ANKRD28: variants seen among roughly 807,000 people sequenced by gnomAD.
ANKRD28 encodes the protein serine/threonine-protein phosphatase 6 regulatory ankyrin repeat subunit A.
A neutral mutation model predicts 126.5 loss-of-function variants in ANKRD28; 44 were observed. The observed-to-expected ratio is 0.35, with a 90% CI of 0.27 to 0.45. The LOEUF is 0.45. Among genes scored for constraint, ANKRD28 ranks in the 20% least tolerant of loss-of-function variants. The pLI is 1.00. For synonymous variants in ANKRD28, 442 were observed against 468.5 expected (o/e 0.94, Z 0.73); for missense variants, 1,110 against 1,316.6 (o/e 0.84, Z 2.43).
Position 15,797,658 on chromosome 3 carries a change from A to G in ANKRD28, c.-1137T>C. ...CTTCCATTAAACAGTCTTCATTCAG[A>G]GAAAAAAATAGCAGACTGTGCATCT... On this transcript the variant is annotated 5_prime_UTR_variant, in exon 1 of 28. Coordinates refer to ENST00000683139, the MANE Select transcript of ANKRD28 (RefSeq NM_001349278.2). 1 of 985,310 alleles carries G rather than the reference A, an allele frequency of 1.0e-6. No homozygotes were observed. The highest frequency in any genetic ancestry group is 4.7e-5 in the South Asian group (1 of 21,280). The allele number at this position is 985,310 out of a possible 1,614,324, so 61.0% of individuals were successfully genotyped here.
At position 15,796,404 on chromosome 3, in the gene ANKRD28, C is replaced by T; in HGVS notation, c.117+1G>A. 7.8e-7 allele frequency: 1 copy of T among 1,285,234 alleles called. No homozygotes were observed. Among genetic ancestry groups the T allele is most frequent in the Non-Finnish European group, 1.0e-6 (1 of 985,588 alleles). 79.6% of individuals were successfully genotyped at this position (1,285,234 alleles called of 1,614,324 possible). A position where few individuals can be genotyped will look rare whatever the true frequency, so the allele number is the denominator to read the frequency against. On this transcript the variant is annotated splice_donor_variant, in intron 1 of 27. Coordinates refer to ENST00000683139, the MANE Select transcript of ANKRD28 (RefSeq NM_001349278.2). LOFTEE classifies it high-confidence loss of function. ...TAAACATATAAACTTACATATCTTA[C>T]CAATACATTTCCAGAAGGTGGAGAA... is the stretch of plus-strand genomic sequence containing the variant.
chr3:15,689,132 A>C (rs1167073937), intron 18 of ANKRD28, among the ~76,000 whole-genome samples: 2 of 152,340 alleles, frequency 1.3e-5, no homozygotes, highest in African/African-American at 4.8e-5. Flanking sequence ...AAATTTCCCC[A>C]GACAGTTGTA....
intron 14 of ANKRD28, among the ~76,000 whole-genome samples, chr3:15,705,090 G>A (rs1225000726): frequency 6.6e-6 from 1 of 152,062 alleles, no homozygotes; most frequent in African/African-American, 2.4e-5. Flanking sequence ...TGGGTCTTTC[G>A]GATCCCAAGT....
At chr3:15,695,594 G>A (rs1037565081) in intron 15 of ANKRD28, among the ~76,000 whole-genome samples, 1 of 152,066 alleles carries the variant, frequency 6.6e-6, no homozygotes, top group Non-Finnish European at 1.5e-5. Context: ...TTAACCTAAA[G>A]TATCTGTTAC....
chr3:15,702,818 C>G (rs1323839857), intron 14 of ANKRD28, among the ~76,000 whole-genome samples: 1 of 151,984 alleles, frequency 6.6e-6, no homozygotes, highest in African/African-American at 2.4e-5. Flanking sequence ...TTCTTACCAC[C>G]CCCCACCACC....
Position 15,694,789 on chromosome 3 carries a change from T to A in ANKRD28, c.1711A>T (p.Met571Leu). 1.2e-6 allele frequency: 2 copies of A among 1,613,610 alleles called. No individual in the cohort carries two copies. Among genetic ancestry groups the A allele is most frequent in the East Asian group, 4.5e-5 (2 of 44,868 alleles). ...DVLMETSGTD[M>L]LSDSDNRATI... ...GCTCTATTATCTGAATCACTCAGCA[T>A]GTCTGTTCCTGAGGTTTCCATTAAC... Residue 571 changes from methionine to leucine, a missense_variant, in exon 17 of 28, where the codon ATG becomes TTG. Coordinates refer to ENST00000683139, the MANE Select transcript of ANKRD28 (RefSeq NM_001349278.2).
chr3:15,841,616 G>A lies in ANKRD28; in HGVS notation c.27+17761C>T, dbSNP rs143824868. Among the ~76,000 whole-genome samples the A allele has an allele frequency of 4.9e-3, 750 of 152,102 alleles. 5 individuals carry two copies. The highest frequency in any genetic ancestry group is 0.017 in the Middle Eastern group (5 of 294). On this transcript the variant is annotated intron_variant, in intron 1 of 27. Coordinates refer to the ANKRD28 transcript ENST00000399451. ...CCTAATAACCCAATAAAAAAAAATG[G>A]GCAAAAGATCTGAATAGGCATTTCT...
intron 14 of ANKRD28, among the ~76,000 whole-genome samples, chr3:15,703,232 A>G (rs1406824564): frequency 6.6e-6 from 1 of 152,254 alleles, no homozygotes; most frequent in Non-Finnish European, 1.5e-5. Context: ...ACCTCTACAC[A>G]CAAAAAACTG....
intron 1 of ANKRD28, among the ~76,000 whole-genome samples, chr3:15,857,202 G>C (rs903395539): frequency 8.5e-5 from 13 of 152,184 alleles, no homozygotes; most frequent in African/African-American, 3.1e-4. Flanking sequence ...TCTTCCAAGA[G>C]AGACCAGATG....
intron 6 of ANKRD28, among the ~76,000 whole-genome samples, chr3:15,734,268 C>T (rs1470086226): frequency 2.0e-5 from 3 of 152,130 alleles, no homozygotes; most frequent in Non-Finnish European, 4.4e-5. Flanking sequence ...TAATATTCCT[C>T]CATTGAATCT....
At chr3:15,850,224 T>TATATATATAGAGAGAGAG (rs1418223588) in intron 1 of ANKRD28, among the ~76,000 whole-genome samples, 40 of 35,104 alleles carry the variant, frequency 1.1e-3, no homozygotes, top group Non-Finnish European at 1.7e-3. Flanking sequence ...TATATATATA[T>TATATATATAGAGAGAGAG]AGAGAGAGAG....
At chr3:15,761,422 A>C (rs2058450826) in intron 3 of ANKRD28, among the ~76,000 whole-genome samples, 1 of 152,150 alleles carries the variant, frequency 6.6e-6, no homozygotes, top group Admixed American at 6.5e-5. Context: ...TTTCAATTCT[A>C]ATTTATAACT....
intron 14 of ANKRD28, among the ~76,000 whole-genome samples, chr3:15,703,016 T>G (rs1302850889): frequency 1.3e-5 from 2 of 152,228 alleles, no homozygotes; most frequent in Non-Finnish European, 2.9e-5. Context: ...TTAAGTAATT[T>G]GCTGAAGGTC....
At chr3:15,850,204 A>AAAATATATATATATATATATATATAT (rs1486394619) in intron 1 of ANKRD28, among the ~76,000 whole-genome samples, 1 of 54,832 alleles carries the variant, frequency 1.8e-5, no homozygotes, top group African/African-American at 5.9e-5. Flanking sequence ...AAAAAAAAAA[A>AAAATATATATATATATATATATATAT]ATATATATAT....
intron 2 of ANKRD28, among the ~76,000 whole-genome samples, chr3:15,775,157 G>A (rs552624554): frequency 1.6e-4 from 25 of 152,344 alleles, no homozygotes; most frequent in African/African-American, 4.8e-4. Flanking sequence ...GATTACAGGC[G>A]TGAGCCACTG....
At chr3:15,770,868 A>G (rs2058964356) in intron 2 of ANKRD28, among the ~76,000 whole-genome samples, 1 of 152,224 alleles carries the variant, frequency 6.6e-6, no homozygotes, top group Non-Finnish European at 1.5e-5. Context: ...TGTAGTAACT[A>G]TGTAGAATGG....
rs199629506 is a variant in ANKRD28 at position 15,797,196 on chromosome 3, C to CA, written c.-676dup. Reference sequence around the variant, plus strand: ...ATTCTTTCAGTGTTTGGGAAAGGGGCAAAAAACAAAAACAAAAAAAAAAAA... The same window carrying CA: ...ATTCTTTCAGTGTTTGGGAAAGGGGCAAAAAAACAAAAACAAAAAAAAAAAA... On this transcript the variant is annotated 5_prime_UTR_variant, in exon 1 of 28. The change abolishes the stop of an existing upstream ORF in the 5' untranslated region. Transcript: ENST00000683139. 9.2e-4 allele frequency: 556 copies of CA among 603,274 alleles called. 1 individual carries two copies. The African/African-American group carries it at 0.011, about 12-fold the overall frequency. 37.4% of individuals were successfully genotyped at this position (603,274 alleles called of 1,614,324 possible). A position where few individuals can be genotyped will look rare whatever the true frequency, so the allele number is the denominator to read the frequency against.
rs1403324015 is a variant in ANKRD28, at chr3:15,724,530, A to C, written c.641-6T>G. 6.4e-7 allele frequency: 1 copy of C among 1,562,818 alleles called. No individual in the cohort carries two copies. ...TTTCACTACTTCAATGTGACCTAAA[A>C]ATGTGTTTTTGAAGAAAAAAATAGA... On this transcript the variant is annotated splice_region_variant and splice_polypyrimidine_tract_variant and intron_variant, in intron 6 of 27. Transcript: ENST00000683139.
chr3:15,723,737 C>T (rs186580413), intron 7 of ANKRD28, among the ~76,000 whole-genome samples: 118 of 152,202 alleles, frequency 7.8e-4, no homozygotes, highest in African/African-American at 2.6e-3. Flanking sequence ...TGCCACTATA[C>T]TACAGCCTGG....
Sources: gnomAD v4.1 joint callset for allele counts (sites outside exome capture counted in the v4.1 genomes callset) on GRCh38, gnomAD v4.1.1 for gene constraint, MANE v1.5 for transcripts, NCBI Gene and HGNC (gene_info 2026-07-23, HGNC 2026-07-21) for gene names.